The following PARP10 variants were observed in gnomAD, a reference collection of about 807,000 sequenced individuals.
PARP10 encodes protein mono-ADP-ribosyltransferase PARP10.
In PARP10, 56 loss-of-function variants were observed where a neutral mutation model predicts 82.4. That is an observed-to-expected ratio of 0.68 (90% CI 0.55 to 0.85). The LOEUF (loss-of-function observed/expected upper bound fraction) is 0.85. Ranked by LOEUF, PARP10 falls within the 40% of genes least tolerant of loss-of-function variation. The pLI is 0.00. For missense variants in PARP10, 1,227 were observed against 1,379.4 expected, an observed-to-expected ratio of 0.89 and a Z score of 1.75; for synonymous variants, 576 against 601.1, an observed-to-expected ratio of 0.96 and a Z score of 0.61.
At chr8:144,009,557 T>C (rs1834258708) in intron 1 of PARP10, among the ~76,000 whole-genome samples, 1 of 152,190 alleles carries the variant, frequency 6.6e-6, no homozygotes, top group Non-Finnish European at 1.5e-5. Flanking sequence ...CCAGTTGCCA[T>C]CTAGGAGCTG....
chr8:143,977,364 C>G lies in PARP10; in HGVS notation c.*120G>C. The G allele has an allele frequency of 9.7e-7, 1 of 1,029,768 alleles. No individual in the cohort carries two copies. The allele number at this position is 1,029,768 out of a possible 1,614,324, so 63.8% of individuals were successfully genotyped here. The stretch of plus-strand genomic sequence containing the variant: ...CCCCCACACCGCCTTCTGGAGCCCG[C>G]AGAGGGAGGCAGGGGCGTCCCCGGG... On this transcript the variant is annotated 3_prime_UTR_variant, in exon 11 of 11. Transcript: ENST00000313028.
chr8:143,980,318 T>TAAAAA (rs1564247548), intron 9 of PARP10, among the ~76,000 whole-genome samples: 30 of 15,680 alleles, frequency 1.9e-3, no homozygotes, highest in African/African-American at 3.9e-3. Context: ...AGATTCCGTC[T>TAAAAA]CAAAAAAAAA....
At chr8:144,007,134 G>A (rs552922418) in intron 1 of PARP10, among the ~76,000 whole-genome samples, 5 of 152,320 alleles carry the variant, frequency 3.3e-5, no homozygotes, top group Admixed American at 6.5e-5. Flanking sequence ...AAGCCCTCCC[G>A]GTCTCTGTCC....
rs912437466 is a variant in PARP10 at position 143,984,427 on chromosome 8, C to T, written c.1463G>A (p.Cys488Tyr). ...CGCCTGGCAGGAAGCCTGGGCTCCA[C>T]AGAGCTGCAGGGCCATTGCAGAGAT... The part of the protein sequence containing the change: ...EGPDMTGFRL[C>Y]GAQASCQAAE... Residue 488 changes from cysteine to tyrosine, a missense_variant, in exon 6 of 11, where the codon TGT becomes TAT. Transcript: ENST00000313028. The T allele has an allele frequency of 1.9e-6, 3 of 1,607,906 alleles. No homozygotes were observed. Among genetic ancestry groups the T allele is most frequent in the Non-Finnish European group, 2.5e-6 (3 of 1,178,128 alleles).
upstream of PARP10, among the ~76,000 whole-genome samples, chr8:143,987,647 CT>C (rs777321051): frequency 9.2e-5 from 14 of 152,200 alleles, no homozygotes; most frequent in Non-Finnish European, 1.8e-4. Context: ...AATCCCAGCA[CT>C]TTGGGAGACT....
chr8:143,991,403 C>T (rs1203096878), upstream of PARP10: 5 of 1,210,278 alleles, frequency 4.1e-6, no homozygotes, highest in Non-Finnish European at 5.7e-6. Flanking sequence ...ACCCCCATGG[C>T]CCCAGCCCCT....
chr8:143,987,907 C>T (rs1411938097), upstream of PARP10, among the ~76,000 whole-genome samples: 2 of 151,522 alleles, frequency 1.3e-5, no homozygotes, highest in Non-Finnish European at 2.9e-5. Flanking sequence ...AAACAAAAAC[C>T]CAAAGTCCTT....
chr8:144,002,741 A>T (rs1834210574), intron 1 of PARP10, among the ~76,000 whole-genome samples: 1 of 152,206 alleles, frequency 6.6e-6, no homozygotes, highest in Non-Finnish European at 1.5e-5. Flanking sequence ...AGACACACGA[A>T]AGCACTAATT....
chr8:143,992,682 T>C (rs2133066664), upstream of PARP10: 2 of 1,613,924 alleles, frequency 1.2e-6, no homozygotes, highest in African/African-American at 2.7e-5. Context: ...CACTGTGCTG[T>C]CACCTCCAGT....
At chr8:143,997,580 T>C (rs554252882) in intron 1 of PARP10, among the ~76,000 whole-genome samples, 168 of 152,262 alleles carry the variant, frequency 1.1e-3, no homozygotes, top group African/African-American at 3.7e-3. Context: ...GGGATCTTTT[T>C]GATGAACAAT....
In PARP10 at chr8:143,986,159, A is replaced by G; in HGVS notation, c.77T>C (p.Leu26Pro). Reference protein sequence around the residue: ...RGLPPAVPDELLTLYFENRRR... With the variant: ...RGLPPAVPDEPLTLYFENRRR... The stretch of plus-strand genomic sequence containing the variant: ...GCGGTTTTCAAAGTAGAGAGTGAGC[A>G]GCTCGTCGGGCACGGCAGGGGGCAG... The change falls in exon 2 of 11, where the codon CTG (leucine) becomes CCG (proline). Residue 26 changes from leucine to proline, a missense_variant. Coordinates refer to ENST00000313028, the MANE Select transcript of PARP10 (RefSeq NM_032789.5). The G allele has an allele frequency of 6.2e-7, 1 of 1,613,808 alleles. No individual in the cohort carries two copies. Among genetic ancestry groups the G allele is most frequent in the Non-Finnish European group, 8.5e-7 (1 of 1,179,942 alleles).
chr8:143,977,401 C>CTCT lies in PARP10; in HGVS notation c.*82_*83insAGA. The CTCT allele has an allele frequency of 4.7e-6, 6 of 1,286,080 alleles. No homozygotes were observed. Among genetic ancestry groups the CTCT allele is most frequent in the Non-Finnish European group, 6.3e-6 (6 of 953,050 alleles). The allele number at this position is 1,286,080 out of a possible 1,614,324, so 79.7% of individuals were successfully genotyped here. The stretch of plus-strand genomic sequence containing the variant: ...GGGGCGTCCCCGGGGACAGCTCAGG[C>CTCT]GGCCACAGTTGGGGGCGGGGAGCAT... On this transcript the variant is annotated 3_prime_UTR_variant, in exon 11 of 11. Transcript: ENST00000313028.
upstream of PARP10, among the ~76,000 whole-genome samples, chr8:143,993,702 G>A (rs1410152014): frequency 2.0e-5 from 3 of 152,210 alleles, no homozygotes; most frequent in East Asian, 3.8e-4. Flanking sequence ...CGGTATAGCC[G>A]CCTCACTCTT....
At position 143,985,068 on chromosome 8, in the gene PARP10, G is replaced by C. The variant is rs1449873775; in HGVS notation, c.934C>G (p.Pro312Ala). ...ATAATCCCTCTACCCTGCACCATGG[G>C]ACCTGTCCTCAGAGAGGCCCCTGAC... Reference protein sequence around the residue: ...GQSGASLRTGPMVQGRGIMTT... With the variant: ...GQSGASLRTGAMVQGRGIMTT... Residue 312 changes from proline (P) to alanine (A), a missense_variant, in exon 5 of 11, where the codon CCC becomes GCC. By Grantham distance (27) the Pro-to-Ala change is conservative. Transcript: ENST00000313028. The C allele has an allele frequency of 1.2e-6, 2 of 1,613,702 alleles. No homozygotes were observed. The highest frequency in any genetic ancestry group is 2.7e-5 in the African/African-American group (2 of 74,870).
upstream of PARP10, chr8:143,991,650 G>A (rs375794036): frequency 8.2e-6 from 13 of 1,592,146 alleles, no homozygotes; most frequent in Admixed American, 2.0e-4. Context: ...GGCAGGGGGA[G>A]GTGCTTGTGA....
chr8:143,986,361 C>T lies in PARP10; in HGVS notation c.-2G>A. Reference sequence around the variant, plus strand: ...TGGCCCCACATACAGCACTTACATTCCCCGTGGCCGCTAGGCAGCCTCAGG... The same window carrying T: ...TGGCCCCACATACAGCACTTACATTTCCCGTGGCCGCTAGGCAGCCTCAGG... On this transcript the variant is annotated 5_prime_UTR_variant, in exon 1 of 11. Coordinates refer to ENST00000313028, the MANE Select transcript of PARP10 (RefSeq NM_032789.5). 1 of 1,614,166 alleles carries T rather than the reference C, an allele frequency of 6.2e-7. No individual in the cohort carries two copies. The highest frequency in any genetic ancestry group is 1.3e-5 in the African/African-American group (1 of 75,044).
At position 143,986,172 on chromosome 8, in the gene PARP10, C is replaced by G. The variant is rs781926103; in HGVS notation, c.64G>C (p.Val22Leu). The change falls in exon 2 of 11, where the codon GTG (valine) becomes CTG (leucine). Residue 22 changes from valine (V) to leucine (L), a missense_variant. Physicochemically the swap from Val to Leu is conservative, Grantham distance 32. Transcript: ENST00000313028. ...AVEVRGLPPA[V>L]PDELLTLYFE... The stretch of plus-strand genomic sequence containing the variant: ...TAGAGAGTGAGCAGCTCGTCGGGCA[C>G]GGCAGGGGGCAGTCCACGGACCTCC... The G allele has an allele frequency of 6.2e-7, 1 of 1,613,398 alleles. No homozygotes were observed. The highest frequency in any genetic ancestry group is 2.2e-5 in the East Asian group (1 of 44,856).
chr8:143,999,603 C>T (rs559514179), intron 1 of PARP10, among the ~76,000 whole-genome samples: 5 of 151,528 alleles, frequency 3.3e-5, no homozygotes, highest in South Asian at 2.1e-4. Context: ...CCTCTTGCCT[C>T]GACCTCCTGA....
chr8:143,986,451 A>G lies in PARP10; in HGVS notation c.-92T>C. Reference sequence around the variant, plus strand: ...AAGCCTAACCCTGCTGGGAGCAGGAAAACAAAAGTGAAACTGAAAGACGGA... The same window carrying G: ...AAGCCTAACCCTGCTGGGAGCAGGAGAACAAAAGTGAAACTGAAAGACGGA... On this transcript the variant is annotated 5_prime_UTR_variant, in exon 1 of 11. Coordinates refer to ENST00000313028, the MANE Select transcript of PARP10 (RefSeq NM_032789.5). 6.2e-7 allele frequency: 1 copy of G among 1,603,930 alleles called. No homozygotes were observed. Among genetic ancestry groups the G allele is most frequent in the South Asian group, 1.1e-5 (1 of 90,806 alleles).
Sources: gnomAD v4.1 joint callset for allele counts (sites outside exome capture counted in the v4.1 genomes callset) on GRCh38, gnomAD v4.1.1 for gene constraint, MANE v1.5 for transcripts, NCBI Gene and HGNC (gene_info 2026-07-23, HGNC 2026-07-21) for gene names.